The following WWOX variants were observed in gnomAD, a reference collection of about 807,000 sequenced individuals.
The protein encoded by WWOX is WW domain containing oxidoreductase, also known as WW domain-containing oxidoreductase.
A neutral mutation model predicts 46.2 loss-of-function variants in WWOX; 69 were observed. The observed-to-expected ratio is 1.49, with a 90% confidence interval of 1.23 to 1.82. The LOEUF (loss-of-function observed/expected upper bound fraction) is 1.82. WWOX is among the 40% of genes most tolerant of loss of function. The probability of loss-of-function intolerance (pLI) is 0.00; values close to 1 mark genes in which losing one functional copy is unlikely to be tolerated. For synonymous variants in WWOX, 359 were observed against 202.6 expected, an observed-to-expected ratio of 1.77 and a Z score of -6.56; for missense variants, 919 against 542.6, an observed-to-expected ratio of 1.69 and a Z score of -6.89.
intron 4 of WWOX, among the ~76,000 whole-genome samples, chr16:78,159,964 G>C (rs1408541147): frequency 2.6e-5 from 4 of 151,690 alleles, no homozygotes; most frequent in Admixed American, 1.3e-4. Context: ...CTCTCTCTCT[G>C]TCATTCTTGC....
chr16:78,277,127 C>T (rs1431597115), intron 5 of WWOX, among the ~76,000 whole-genome samples: 2 of 152,052 alleles, frequency 1.3e-5, no homozygotes, highest in Non-Finnish European at 1.5e-5. Context: ...TTTGCTGTTG[C>T]TTTTCCTTGA....
chr16:78,504,041 CA>C (rs759398051), intron 8 of WWOX, among the ~76,000 whole-genome samples: 9 of 152,054 alleles, frequency 5.9e-5, no homozygotes, highest in Non-Finnish European at 8.8e-5. Context: ...AGATGTCAGT[CA>C]GGGGGAAAAA....
chr16:78,691,123 G>T, intron 8 of WWOX: 6,642 of 572,042 alleles, frequency 0.012, no homozygotes, highest in East Asian at 0.024. Flanking sequence ...AGTCGTTATT[G>T]CTTTAGAAGT....
At chr16:78,270,590 T>C (rs758913817) in intron 5 of WWOX, 3 of 152,236 alleles carry the variant, frequency 2.0e-5, no homozygotes, top group Non-Finnish European at 4.4e-5. Flanking sequence ...TGCTCTGCCA[T>C]GAGTAACGAA....
At chr16:78,603,769 T>C (rs182386320) in intron 8 of WWOX, among the ~76,000 whole-genome samples, 3 of 152,114 alleles carry the variant, frequency 2.0e-5, no homozygotes, top group African/African-American at 7.2e-5. Flanking sequence ...TTGTTTCTTA[T>C]CTAGTTGGAA....
intron 6 of WWOX, among the ~76,000 whole-genome samples, chr16:78,410,327 A>T (rs1464922591): frequency 1.3e-5 from 2 of 152,116 alleles, no homozygotes; most frequent in African/African-American, 4.8e-5. Context: ...ACAAGGTCTT[A>T]CCCTTGATCA....
rs979442992 is a variant in WWOX, at chr16:79,136,802, G to A, written c.1057-74806G>A. 2.6e-5 allele frequency among the ~76,000 whole-genome samples: 4 copies of A among 152,310 alleles called. No individual in the cohort carries two copies. The South Asian group carries it at 8.3e-4, about 32-fold the overall frequency. On this transcript the variant is annotated intron_variant, in intron 8 of 8. Coordinates refer to ENST00000566780, the MANE Select transcript of WWOX (RefSeq NM_016373.4). ...ACAAAATTCAATAGGCACATGCCAT[G>A]TACATGCCTGTGTTATGCCGGGAAC...
At chr16:79,019,408 T>A (rs1191410412) in intron 8 of WWOX, among the ~76,000 whole-genome samples, 3 of 152,134 alleles carry the variant, frequency 2.0e-5, no homozygotes, top group African/African-American at 7.2e-5. Context: ...TTGGGCTGCG[T>A]ACTGTAGGCA....
At chr16:78,172,109 G>A (rs552139806) in intron 5 of WWOX, among the ~76,000 whole-genome samples, 8 of 152,240 alleles carry the variant, frequency 5.3e-5, no homozygotes, top group African/African-American at 1.2e-4. Flanking sequence ...GGGTGATGCC[G>A]GAAGATTGGC....
intron 8 of WWOX, among the ~76,000 whole-genome samples, chr16:78,826,732 T>C (rs909681132): frequency 2.0e-5 from 3 of 152,204 alleles, no homozygotes; most frequent in African/African-American, 7.2e-5. Context: ...GATATGGAAC[T>C]GCCTTTTTGG....
intron 8 of WWOX, among the ~76,000 whole-genome samples, chr16:78,471,462 A>T (rs111985781): frequency 0.014 from 2,138 of 152,322 alleles, 50 homozygotes; most frequent in African/African-American, 0.049. Flanking sequence ...CAGCTTCATC[A>T]TAGGAAGACG....
chr16:78,618,182 G>T lies in WWOX; in HGVS notation c.1056+185430G>T, dbSNP rs1012537357. ...AGCACAAAGTGGGGACTTGAGTCCC[G>T]ATCTCACTGATTCTAAAGTCCTTGC... On this transcript the variant is annotated intron_variant, in intron 8 of 8. Transcript: ENST00000566780. Among the ~76,000 whole-genome samples, 5 of 152,180 alleles carry T rather than the reference G, an allele frequency of 3.3e-5. 1 individual carries two copies. Among genetic ancestry groups the T allele is most frequent in the Admixed American group, 3.3e-4 (5 of 15,268 alleles).
At chr16:79,113,439 G>C (rs964702315) in intron 8 of WWOX, among the ~76,000 whole-genome samples, 2 of 152,222 alleles carry the variant, frequency 1.3e-5, no homozygotes, top group South Asian at 4.1e-4. Flanking sequence ...TTCACATCCA[G>C]GCACTTCTGG....
intron 5 of WWOX, among the ~76,000 whole-genome samples, chr16:78,212,874 G>T (rs72806827): frequency 6.6e-6 from 1 of 152,024 alleles, no homozygotes. Context: ...TAACAAACAC[G>T]CCCGGATCTC....
Position 78,405,631 on chromosome 16 carries a change from T to TC in WWOX, c.605+18683_605+18684insC, listed in dbSNP as rs2082509743. Among the ~76,000 whole-genome samples the TC allele has an allele frequency of 7.9e-5, 12 of 152,372 alleles. 1 individual carries two copies. In the South Asian group the frequency reaches 2.5e-3, roughly 32 times the overall value. On this transcript the variant is annotated intron_variant, in intron 6 of 8. Transcript: ENST00000566780. ...TGGAAAACAATGTATATGTGTTTTT[T>TC]ATCTCTCAATGATTGGTGGGTACCA... is the stretch of plus-strand genomic sequence containing the variant.
intron 4 of WWOX, among the ~76,000 whole-genome samples, chr16:78,120,145 T>A (rs1046724160): frequency 1.3e-5 from 2 of 152,150 alleles, no homozygotes; most frequent in African/African-American, 4.8e-5. Context: ...AAATCACCTC[T>A]CTAACGTGTA....
intron 8 of WWOX, among the ~76,000 whole-genome samples, chr16:78,722,332 G>C (rs1389301947): frequency 6.6e-6 from 1 of 152,172 alleles, no homozygotes; most frequent in Non-Finnish European, 1.5e-5. Flanking sequence ...CTTGGTCTCA[G>C]TTTTCTCATC....
intron 5 of WWOX, among the ~76,000 whole-genome samples, chr16:78,254,683 A>G (rs772699365): frequency 1.3e-5 from 2 of 151,388 alleles, no homozygotes; most frequent in Non-Finnish European, 2.9e-5. Context: ...CACTGCCACC[A>G]TGCCTGGCTA....
chr16:78,771,778 A>G (rs2050070409), intron 8 of WWOX, among the ~76,000 whole-genome samples: 2 of 7,984 alleles, frequency 2.5e-4, no homozygotes, highest in Non-Finnish European at 1.3e-3. Context: ...TCTCACAATA[A>G]ATAAATAAAT....
Sources: allele counts gnomAD v4.1 joint callset (sites outside exome capture counted in the v4.1 genomes callset), GRCh38; gene constraint gnomAD v4.1.1; transcripts MANE v1.5; gene names NCBI Gene and HGNC (gene_info 2026-07-23, HGNC 2026-07-21).